Variants in RERE observed in about 807,000 individuals in gnomAD.
RERE encodes the protein arginine-glutamic acid dipeptide repeats protein.
In RERE, 40 loss-of-function variants were observed where a neutral mutation model predicts 146.1. The observed-to-expected ratio is 0.27, with a 90% confidence interval of 0.21 to 0.36. The LOEUF is 0.36. RERE is among the 10% of genes least tolerant of loss of function. RERE has a pLI of 1.00. For missense variants in RERE, 1,933 were observed against 2,138.7 expected (o/e 0.90, Z 1.90); for synonymous variants, 1,003 against 866.0 (o/e 1.16, Z -2.78).
At chr1:8,520,703 G>A (rs998017498) in intron 7 of RERE, among the ~76,000 whole-genome samples, 18 of 137,326 alleles carry the variant, frequency 1.3e-4, no homozygotes, top group South Asian at 9.3e-4. Context: ...TAGGGGCTGC[G>A]GCCTAACAAA....
At chr1:8,414,837 T>C (rs907948929) in intron 12 of RERE, among the ~76,000 whole-genome samples, 8 of 152,006 alleles carry the variant, frequency 5.3e-5, no homozygotes, top group Admixed American at 1.3e-4. Context: ...GTTTTCAAAT[T>C]ATACATGACA....
At chr1:8,534,029 G>A (rs1181643398) in intron 7 of RERE, among the ~76,000 whole-genome samples, 1 of 152,130 alleles carries the variant, frequency 6.6e-6, no homozygotes, top group Non-Finnish European at 1.5e-5. Flanking sequence ...AAATGTGATG[G>A]CAGATAAAAG....
At chr1:8,677,425 CAAAAAAAA>C (rs33947474) in intron 1 of RERE, among the ~76,000 whole-genome samples, 3 of 93,748 alleles carry the variant, frequency 3.2e-5, no homozygotes, top group Non-Finnish European at 6.4e-5. Context: ...GTCTCCGTCT[CAAAAAAAA>C]AAAAAAAGAA....
intron 11 of RERE, among the ~76,000 whole-genome samples, chr1:8,435,944 G>A (rs990106546): frequency 6.6e-6 from 1 of 152,230 alleles, no homozygotes; most frequent in Non-Finnish European, 1.5e-5. Context: ...GGCTAGTTAA[G>A]CAGCAGCATT....
chr1:8,413,555 G>A (rs1643674160), intron 12 of RERE, among the ~76,000 whole-genome samples: 2 of 150,786 alleles, frequency 1.3e-5, no homozygotes. Flanking sequence ...TGTTGCCTAG[G>A]CTAGACTTGA....
At chr1:8,677,263 C>G (rs1477959634) in intron 1 of RERE, among the ~76,000 whole-genome samples, 1 of 151,906 alleles carries the variant, frequency 6.6e-6, no homozygotes, top group Admixed American at 6.6e-5. Flanking sequence ...AACCCTGTCT[C>G]TATTAAAAAT....
chr1:8,558,799 C>CTT (rs547248273), intron 4 of RERE, among the ~76,000 whole-genome samples: 7 of 137,800 alleles, frequency 5.1e-5, no homozygotes, highest in Non-Finnish European at 6.3e-5. Context: ...TTTTCCTTTT[C>CTT]TTTTTTTTTT....
In RERE at chr1:8,683,539, T is replaced by C. The variant is rs559816853; in HGVS notation, c.-144-27098A>G. On this transcript the variant is annotated intron_variant, in intron 1 of 22. Transcript: ENST00000400908. The stretch of plus-strand genomic sequence containing the variant: ...TCTAAGGGAAAACTGTTCCCCACAG[T>C]TACTGGTGCTGCTTTTAACAGAATA... Among the ~76,000 whole-genome samples, 6 of 152,244 alleles carry C rather than the reference T, an allele frequency of 3.9e-5. No homozygotes were observed. In the East Asian group the frequency reaches 1.2e-3, roughly 29 times the overall value.
chr1:8,497,756 A>C (rs564473804), intron 8 of RERE, among the ~76,000 whole-genome samples: 8 of 152,348 alleles, frequency 5.3e-5, no homozygotes, highest in Admixed American at 3.9e-4. Context: ...TCTGCTTAAC[A>C]GTGTCAAAGT....
chr1:8,542,891 TATAGA>T (rs1183143437), intron 6 of RERE, among the ~76,000 whole-genome samples: 4 of 152,248 alleles, frequency 2.6e-5, no homozygotes, highest in African/African-American at 9.6e-5. Context: ...TCTATAGTTC[TATAGA>T]ATAGAAGCTA....
chr1:8,355,335 G>C, intron 22 of RERE, 84 bp downstream of exon 22: 1 of 1,444,370 alleles, frequency 6.9e-7, no homozygotes, highest in Non-Finnish European at 9.5e-7. Context: ...GGCAGAGGGG[G>C]AGGAGCCTGG....
At chr1:8,479,976 C>A (rs1348787164) in intron 10 of RERE, among the ~76,000 whole-genome samples, 2 of 152,002 alleles carry the variant, frequency 1.3e-5, no homozygotes, top group African/African-American at 4.8e-5. Context: ...AATACATGAG[C>A]CCTTCTGAAA....
chr1:8,457,910 CTT>C (rs1644471694), intron 11 of RERE, among the ~76,000 whole-genome samples: 1 of 152,070 alleles, frequency 6.6e-6, no homozygotes, highest in African/African-American at 2.4e-5. Context: ...CTAAGGGAGA[CTT>C]TAGATTTAAG....
At position 8,556,468 on chromosome 1, in the gene RERE, T is replaced by C. The variant is rs745658266; in HGVS notation, c.725+7A>G. ...TTCACATGGAAGAGCACGTCTCCAG[T>C]ACTTACCTAAGGGCAGCAGCATGGT... On this transcript the variant is annotated splice_region_variant and intron_variant, in intron 6 of 22. Transcript: ENST00000400908. The C allele has an allele frequency of 1.8e-5, 28 of 1,542,198 alleles. No homozygotes were observed. The highest frequency in any genetic ancestry group is 2.5e-5 in the Non-Finnish European group (28 of 1,114,492).
At chr1:8,394,090 G>C (rs948970533) in intron 12 of RERE, among the ~76,000 whole-genome samples, 4 of 152,138 alleles carry the variant, frequency 2.6e-5, no homozygotes, top group African/African-American at 9.7e-5. Flanking sequence ...GAAGGATGGT[G>C]ACCTATACTT....
intron 1 of RERE, among the ~76,000 whole-genome samples, chr1:8,765,381 AG>A (rs1209450452): frequency 2.0e-5 from 3 of 152,252 alleles, no homozygotes; most frequent in Non-Finnish European, 4.4e-5. Context: ...TCATGGATAC[AG>A]GATTTCTTCT....
rs766895801 is a variant in RERE at position 8,360,738 on chromosome 1, C to T, written c.2769G>A (p.Leu923=). The change falls in exon 18 of 23, where the codon TTG becomes TTA. Residue 923 remains leucine, a synonymous_variant. Coordinates refer to ENST00000400908, the MANE Select transcript of RERE (RefSeq NM_001042681.2). ...PREQPLPPAP[L]AMPHIKPPPT... ...GCGGGGGCTTGATGTGGGGCATGGC[C>T]AAGGGCGCTGGTGGCAGGGGCTGCT... 1.3e-6 allele frequency: 2 copies of T among 1,597,334 alleles called. No homozygotes were observed. Among genetic ancestry groups the T allele is most frequent in the South Asian group, 2.2e-5 (2 of 89,568 alleles).
At chr1:8,445,944 T>C (rs1644312501) in intron 11 of RERE, among the ~76,000 whole-genome samples, 1 of 151,962 alleles carries the variant, frequency 6.6e-6, no homozygotes. Context: ...TGTCCTTGTG[T>C]TAGTTTTCAC....
At position 8,362,810 on chromosome 1, in the gene RERE, G is replaced by A. The variant is rs776000631; in HGVS notation, c.1775C>T (p.Pro592Leu). Reference protein sequence around the residue: ...STLRSGRKKQPASPDGRTSPI... With the variant: ...STLRSGRKKQLASPDGRTSPI... Reference sequence around the variant, plus strand: ...TGAGGTGCGACCATCAGGGCTGGCTGGCTGCTTCTTCCGACCACTGCGTAG... The same window carrying A: ...TGAGGTGCGACCATCAGGGCTGGCTAGCTGCTTCTTCCGACCACTGCGTAG... Residue 592 changes from proline (P) to leucine (L), a missense_variant, in exon 16 of 23, where the codon CCA becomes CTA. By Grantham distance (98) the Pro-to-Leu change is moderately conservative. Coordinates refer to ENST00000400908, the MANE Select transcript of RERE (RefSeq NM_001042681.2). The A allele has an allele frequency of 5.6e-6, 9 of 1,613,926 alleles. No individual in the cohort carries two copies. The highest frequency in any genetic ancestry group is 1.7e-5 in the Admixed American group (1 of 60,000).
Sources: gnomAD v4.1 joint callset for allele counts (sites outside exome capture counted in the v4.1 genomes callset) on GRCh38, gnomAD v4.1.1 for gene constraint, MANE v1.5 for transcripts, NCBI Gene and HGNC (gene_info 2026-07-23, HGNC 2026-07-21) for gene names.